The following SLC27A2 variants were observed in gnomAD, a reference collection of about 807,000 sequenced individuals.
SLC27A2 encodes long-chain fatty acid transport protein 2.
A neutral mutation model predicts 60.0 loss-of-function variants in SLC27A2; 54 were observed. The observed-to-expected ratio is 0.90, with a 90% CI of 0.72 to 1.13. The LOEUF is 1.13. SLC27A2 is among the 50% of genes most tolerant of loss of function. SLC27A2 has a pLI of 0.00. For synonymous variants in SLC27A2, 297 were observed against 297.6 expected (o/e 1.00, Z 0.02); for missense variants, 739 against 777.6 (o/e 0.95, Z 0.59).
intron 1 of SLC27A2, among the ~76,000 whole-genome samples, chr15:50,188,781 G>A (rs983269332): frequency 2.6e-5 from 4 of 152,144 alleles, no homozygotes; most frequent in African/African-American, 7.2e-5. Flanking sequence ...CCAACATGGC[G>A]AAACCCTGTC....
At chr15:50,230,661 G>C (rs540413329) in intron 8 of SLC27A2, among the ~76,000 whole-genome samples, 2 of 152,290 alleles carry the variant, frequency 1.3e-5, no homozygotes, top group South Asian at 4.1e-4. Context: ...ATGGAAGGGG[G>C]TGTGAATACT....
At chr15:50,212,749 C>T (rs1039420852) in intron 4 of SLC27A2, among the ~76,000 whole-genome samples, 2 of 151,568 alleles carry the variant, frequency 1.3e-5, no homozygotes, top group Non-Finnish European at 2.9e-5. Context: ...TGAGAGAATT[C>T]GCCATTACCA....
chr15:50,226,470 G>A (rs1284251532), intron 6 of SLC27A2, among the ~76,000 whole-genome samples: 6 of 152,192 alleles, frequency 3.9e-5, no homozygotes, highest in Admixed American at 3.3e-4. Context: ...GGTGGCTCAC[G>A]CCTGTAATCC....
intron 2 of SLC27A2, among the ~76,000 whole-genome samples, chr15:50,200,108 A>G (rs541650659): frequency 6.6e-6 from 1 of 152,362 alleles, no homozygotes; most frequent in African/African-American, 2.4e-5. Flanking sequence ...AAGTACTTCA[A>G]GGCAACAAAG....
At chr15:50,228,248 G>A (rs2045290687) in intron 7 of SLC27A2, among the ~76,000 whole-genome samples, 1 of 151,814 alleles carries the variant, frequency 6.6e-6, no homozygotes, top group South Asian at 2.1e-4. Flanking sequence ...ATAGTGGCAC[G>A]CGCCTGTAGT....
intron 8 of SLC27A2, among the ~76,000 whole-genome samples, chr15:50,231,320 TA>T (rs1376890148): frequency 6.6e-6 from 1 of 151,978 alleles, no homozygotes; most frequent in Non-Finnish European, 1.5e-5. Context: ...GCTAATTTTG[TA>T]TTTTTAGTAA....
intron 1 of SLC27A2, among the ~76,000 whole-genome samples, chr15:50,184,885 G>C (rs939264374): frequency 6.6e-6 from 1 of 152,100 alleles, no homozygotes; most frequent in Non-Finnish European, 1.5e-5. Context: ...TAAATTATTT[G>C]GAAGAGATGG....
At chr15:50,209,149 G>A (rs548690683) in intron 4 of SLC27A2, among the ~76,000 whole-genome samples, 3 of 152,224 alleles carry the variant, frequency 2.0e-5, no homozygotes, top group Non-Finnish European at 4.4e-5. Flanking sequence ...AAATAATATT[G>A]GCCAGAACCC....
intron 2 of SLC27A2, 107 bp downstream of exon 2, chr15:50,197,816 C>CGTT: frequency 4.1e-6 from 3 of 726,408 alleles, no homozygotes; most frequent in Non-Finnish European, 7.0e-6. Context: ...GTAACTAATA[C>CGTT]TTCAGGAGAT....
chr15:50,235,545 T>G (rs1337481460), intron 9 of SLC27A2, among the ~76,000 whole-genome samples: 1 of 152,182 alleles, frequency 6.6e-6, no homozygotes, highest in East Asian at 1.9e-4. Context: ...CTAATGGAGA[T>G]CCTGCAAACA....
At chr15:50,209,298 A>T (rs144117453) in intron 4 of SLC27A2, among the ~76,000 whole-genome samples, 232 of 152,236 alleles carry the variant, frequency 1.5e-3, no homozygotes, top group Non-Finnish European at 1.8e-3. Context: ...GAATGGATGG[A>T]TCTGTTGCAG....
chr15:50,228,862 C>A, intron 7 of SLC27A2, 83 bp from the exon 8 acceptor site: 2 of 916,308 alleles, frequency 2.2e-6, no homozygotes, highest in East Asian at 4.9e-5. Context: ...ATGCAGAAAT[C>A]TAAAGGAAAC....
chr15:50,235,044 A>AT (rs549629690), intron 9 of SLC27A2, among the ~76,000 whole-genome samples: 4 of 151,960 alleles, frequency 2.6e-5, no homozygotes, highest in Admixed American at 6.6e-5. Context: ...CGCTAGGAGG[A>AT]TTTTTTTTCT....
intron 2 of SLC27A2, 96 bp from the exon 3 acceptor site, chr15:50,202,391 A>T: frequency 7.7e-7 from 1 of 1,297,700 alleles, no homozygotes; most frequent in Non-Finnish European, 1.1e-6. Context: ...AATTCTCAAA[A>T]TACAGGGTGA....
At chr15:50,225,261 T>C (rs1165060479) in intron 5 of SLC27A2, among the ~76,000 whole-genome samples, 1 of 152,206 alleles carries the variant, frequency 6.6e-6, no homozygotes, top group Non-Finnish European at 1.5e-5. Flanking sequence ...ACTGTCATGT[T>C]TGCATTTTTC....
intron 5 of SLC27A2, among the ~76,000 whole-genome samples, chr15:50,225,039 T>C (rs867622349): frequency 2.0e-5 from 3 of 152,192 alleles, no homozygotes; most frequent in South Asian, 2.1e-4. Flanking sequence ...TCCCATGCAA[T>C]TGATGTAGAA....
chr15:50,233,980 C>G lies in SLC27A2; in HGVS notation c.1668C>G (p.Pro556=). The change falls in exon 9 of 10, where the codon CCC becomes CCG. Residue 556 remains proline (P), a synonymous_variant. Transcript: ENST00000267842. ...ATTACCTACCTAGTTATGCAAGGCC[C>G]CGGTTTCTAAGAATACAGGTGAGAT... is the stretch of plus-strand genomic sequence containing the variant. ...IADYLPSYAR[P]RFLRIQDTIE... is the part of the protein sequence containing the mutation. 6.2e-7 allele frequency: 1 copy of G among 1,612,130 alleles called. No individual in the cohort carries two copies. The highest frequency in any genetic ancestry group is 8.5e-7 in the Non-Finnish European group (1 of 1,179,124).
chr15:50,196,913 T>C (rs1039113580), intron 1 of SLC27A2, among the ~76,000 whole-genome samples: 1 of 152,214 alleles, frequency 6.6e-6, no homozygotes, highest in African/African-American at 2.4e-5. Flanking sequence ...GCTCCCTTCT[T>C]TTCATTTCTC....
intron 5 of SLC27A2, 126 bp downstream of exon 5, chr15:50,223,285 C>T: frequency 1.6e-6 from 1 of 609,896 alleles, no homozygotes; most frequent in Non-Finnish European, 2.7e-6. Context: ...ATTCCTATCA[C>T]CAAGAGAAGT....
Sources: gnomAD v4.1 joint callset for allele counts (sites outside exome capture counted in the v4.1 genomes callset) on GRCh38, gnomAD v4.1.1 for gene constraint, MANE v1.5 for transcripts, NCBI Gene and HGNC (gene_info 2026-07-23, HGNC 2026-07-21) for gene names.